MUC13: variants seen among roughly 807,000 people sequenced by gnomAD.
MUC13 encodes the protein mucin-13.
A neutral mutation model predicts 48.3 loss-of-function variants in MUC13; 32 were observed. The observed-to-expected ratio is 0.66, with a 90% confidence interval of 0.50 to 0.89. MUC13 has a LOEUF of 0.89. Among genes scored for constraint, MUC13 ranks in the 40% least tolerant of loss-of-function variants. MUC13 has a pLI of 0.00. For missense variants in MUC13, 571 were observed against 622.8 expected (o/e 0.92, Z 0.88); for synonymous variants, 199 against 224.9 (o/e 0.88, Z 1.03).
chr3:124,922,540 A>AT (rs968988193), intron 3 of MUC13, among the ~76,000 whole-genome samples: 2 of 114,488 alleles, frequency 1.7e-5, no homozygotes, highest in Non-Finnish European at 3.7e-5. Context: ...TTTATGCCAT[A>AT]TTTTTTTTCT....
chr3:124,917,894 T>C (rs1394843619), intron 5 of MUC13, among the ~76,000 whole-genome samples: 1 of 152,174 alleles, frequency 6.6e-6, no homozygotes, highest in East Asian at 1.9e-4. Context: ...ATGCCATCCA[T>C]AATTTATTCA....
intron 1 of MUC13, among the ~76,000 whole-genome samples, chr3:124,932,163 T>A (rs568393615): frequency 4.6e-5 from 7 of 152,360 alleles, no homozygotes; most frequent in African/African-American, 1.4e-4. Flanking sequence ...GATTGGATGC[T>A]CAATTTTTAT....
At position 124,927,745 on chromosome 3, in the gene MUC13, G is replaced by A; in HGVS notation, c.301C>T (p.Pro101Ser). ...STHSSSTIPI[P>S]TAADSESTTN... is the part of the protein sequence containing the mutation. ...GTTGACTCACTGTCTGCAGCAGTAG[G>A]TATAGGAATTGTGGAGGAACTATGT... Residue 101 changes from proline (P) to serine (S), a missense_variant, in exon 2 of 12, where the codon CCT becomes TCT. Coordinates refer to ENST00000616727, the MANE Select transcript of MUC13 (RefSeq NM_033049.4). 2.5e-6 allele frequency: 4 copies of A among 1,606,878 alleles called. No homozygotes were observed. The highest frequency in any genetic ancestry group is 3.4e-6 in the Non-Finnish European group (4 of 1,175,896).
chr3:124,926,894 CT>C (rs1296472567), intron 2 of MUC13, among the ~76,000 whole-genome samples: 1 of 152,188 alleles, frequency 6.6e-6, no homozygotes, highest in Non-Finnish European at 1.5e-5. Flanking sequence ...ATAGGCTGAG[CT>C]TGGGGAAGTG....
intron 4 of MUC13, 55 bp from the exon 5 acceptor site, chr3:124,920,344 T>C: frequency 7.3e-7 from 1 of 1,376,534 alleles, no homozygotes; most frequent in East Asian, 2.4e-5. Context: ...TTTCACATTT[T>C]CTACAAATCA....
At position 124,913,205 on chromosome 3, in the gene MUC13, G is replaced by C; in HGVS notation, c.1120C>G (p.Gln374Glu). 1 of 1,613,934 alleles carries C rather than the reference G, an allele frequency of 6.2e-7. No individual in the cohort carries two copies. Among genetic ancestry groups the C allele is most frequent in the South Asian group, 1.1e-5 (1 of 91,054 alleles). Residue 374 changes from glutamine (Q) to glutamate (E), a missense_variant, in exon 8 of 12, where the codon CAG becomes GAG. Gln to Glu is a conservative substitution (Grantham distance 29). Coordinates refer to ENST00000616727, the MANE Select transcript of MUC13 (RefSeq NM_033049.4). ...TTCTTTATTAAGCATTGCTTGTGCT[G>C]TGCGTTGCAGGCATCAGGACACTTG... ...SLKCPDACNA[Q>E]HKQCLIKKSG... is the part of the protein sequence containing the mutation.
At chr3:124,922,347 G>C in intron 3 of MUC13, 44 bp from the exon 4 acceptor site, 1 of 1,589,004 alleles carries the variant, frequency 6.3e-7, no homozygotes, top group Non-Finnish European at 8.6e-7. Flanking sequence ...GATGAAAAGA[G>C]GGTCATTTCC....
chr3:124,921,343 G>T (rs1486045282), intron 4 of MUC13, among the ~76,000 whole-genome samples: 1 of 152,070 alleles, frequency 6.6e-6, no homozygotes, highest in Non-Finnish European at 1.5e-5. Flanking sequence ...TAGAGATGGG[G>T]TGTCACCATG....
intron 1 of MUC13, among the ~76,000 whole-genome samples, chr3:124,934,324 A>AT (rs5852434): frequency 0.01 from 1,530 of 152,168 alleles, 19 homozygotes; most frequent in African/African-American, 0.035. Flanking sequence ...CACCTGGCTA[A>AT]TTTTTTTGTA....
At position 124,913,124 on chromosome 3, in the gene MUC13, C is replaced by T; in HGVS notation, c.1201G>A (p.Gly401Arg). ...CVPGYQEDAN[G>R]NCQKCAFGYS... ...TATTTTTCTTACTTTTGGCAGTTCCCATTAGCATCTTCCTGGTAGCCGGGC... is the reference window on the plus strand; with the variant it reads ...TATTTTTCTTACTTTTGGCAGTTCCTATTAGCATCTTCCTGGTAGCCGGGC... Residue 401 changes from glycine to arginine, a missense_variant, in exon 8 of 12, where the codon GGG (glycine) becomes AGG (arginine). Physicochemically the swap from Gly to Arg is moderately radical, Grantham distance 125 (BLOSUM62 -2). Coordinates refer to ENST00000616727, the MANE Select transcript of MUC13 (RefSeq NM_033049.4). 6.2e-7 allele frequency: 1 copy of T among 1,613,886 alleles called. No individual in the cohort carries two copies. Among genetic ancestry groups the T allele is most frequent in the Non-Finnish European group, 8.5e-7 (1 of 1,179,940 alleles).
rs1041059537 is a variant in MUC13 at position 124,915,722 on chromosome 3, A to G, written c.964+595T>C. 1.8e-4 allele frequency among the ~76,000 whole-genome samples: 28 copies of G among 152,152 alleles called. 1 individual carries two copies. The highest frequency in any genetic ancestry group is 6.0e-4 in the African/African-American group (25 of 41,436). On this transcript the variant is annotated intron_variant, in intron 6 of 11. Transcript: ENST00000616727. Reference sequence around the variant, plus strand: ...TACGGGTAATGCTTGGTCTTGCTCTATTGCTCAGGCTGGAGTGTGGTGTCG... The same window carrying G: ...TACGGGTAATGCTTGGTCTTGCTCTGTTGCTCAGGCTGGAGTGTGGTGTCG...
Position 124,927,810 on chromosome 3 carries a change from GA to G in MUC13, c.235del (p.Ser79ProfsTer11), listed in dbSNP as rs1175645295. ...PAPPIISTHS[S>X]STIPTPAPPI... is the part of the protein sequence containing the mutation. ...GGGAGCAGGTGTAGGAATTGTGGAG[GA>G]ACTATGTGTACTAATTATGGGGGGA... On this transcript the variant is annotated frameshift_variant, in exon 2 of 12. Coordinates refer to ENST00000616727, the MANE Select transcript of MUC13 (RefSeq NM_033049.4). LOFTEE classifies it high-confidence loss of function. 6.2e-7 allele frequency: 1 copy of G among 1,613,498 alleles called. No individual in the cohort carries two copies. The highest frequency in any genetic ancestry group is 1.3e-5 in the African/African-American group (1 of 74,638).
intron 4 of MUC13, 51 bp from the exon 5 acceptor site, chr3:124,920,340 A>G: frequency 7.2e-7 from 1 of 1,387,194 alleles, no homozygotes; most frequent in Non-Finnish European, 1.0e-6. Flanking sequence ...TTTTTTTCAC[A>G]TTTTCTACAA....
chr3:124,908,348 T>C lies in MUC13; in HGVS notation c.1338A>G (p.Arg446=), dbSNP rs772689165. 2 of 1,613,388 alleles carry C rather than the reference T, an allele frequency of 1.2e-6. No homozygotes were observed. The highest frequency in any genetic ancestry group is 2.2e-5 in the East Asian group (1 of 44,886). The change falls in exon 11 of 12, where the codon AGA becomes AGG. Residue 446 remains arginine, a splice_region_variant and synonymous_variant. Coordinates refer to ENST00000616727, the MANE Select transcript of MUC13 (RefSeq NM_033049.4). ...SMIIALIVTA[R]SNNKTKHIEE... ...CAATATGCTTCGTTTTGTTATTTGATCTGTAATCAGTAAGAGGAATTAGGA... is the reference window on the plus strand; with the variant it reads ...CAATATGCTTCGTTTTGTTATTTGACCTGTAATCAGTAAGAGGAATTAGGA...
At chr3:124,923,689 G>T in intron 2 of MUC13, 40 bp from the exon 3 acceptor site, 7 of 1,599,048 alleles carry the variant, frequency 4.4e-6, no homozygotes, top group South Asian at 2.3e-5. Flanking sequence ...CCAGAGAAAT[G>T]ACAATAAATA....
In MUC13 at chr3:124,923,738, C is replaced by G. The variant is rs1054598912; in HGVS notation, c.515-89G>C. The G allele has an allele frequency of 5.9e-6, 8 of 1,364,752 alleles. No individual in the cohort carries two copies. In the Admixed American group the frequency reaches 6.2e-5, roughly 11 times the overall value. The allele number at this position is 1,364,752 out of a possible 1,614,324, so 84.5% of individuals were successfully genotyped here. On this transcript the variant is annotated intron_variant, in intron 2 of 11. Transcript: ENST00000616727. The stretch of plus-strand genomic sequence containing the variant: ...TATTTTTCCATCTTCATGCCTCCCC[C>G]CTGGGCCCTTTCCATTCCTTGCTTG...
intron 1 of MUC13, among the ~76,000 whole-genome samples, chr3:124,928,891 A>G (rs1355107015): frequency 6.6e-6 from 1 of 152,140 alleles, no homozygotes; most frequent in African/African-American, 2.4e-5. Flanking sequence ...CATTACCTTG[A>G]TAGATTGAGG....
intron 1 of MUC13, among the ~76,000 whole-genome samples, chr3:124,930,963 G>A (rs1364813089): frequency 6.6e-6 from 1 of 152,116 alleles, no homozygotes; most frequent in Non-Finnish European, 1.5e-5. Flanking sequence ...GCTTGTGCGG[G>A]GGTTCTTGCA....
chr3:124,907,788 G>T (rs1275956256), intron 11 of MUC13, among the ~76,000 whole-genome samples: 1 of 152,026 alleles, frequency 6.6e-6, no homozygotes, highest in African/African-American at 2.4e-5. Context: ...CCTGGTCCTG[G>T]CTGAGGACCT....
Sources: gnomAD v4.1 joint callset for allele counts (sites outside exome capture counted in the v4.1 genomes callset) on GRCh38, gnomAD v4.1.1 for gene constraint, MANE v1.5 for transcripts, NCBI Gene and HGNC (gene_info 2026-07-23, HGNC 2026-07-21) for gene names.